MAP7D3: variants seen among roughly 807,000 people sequenced by gnomAD.
The protein encoded by MAP7D3 is MAP7 domain-containing protein 3.
MAP7D3 carries 45 observed loss-of-function variants against 62.2 expected under a neutral mutation model. The observed-to-expected ratio is 0.72, with a 90% confidence interval of 0.57 to 0.93. The LOEUF (loss-of-function observed/expected upper bound fraction) is 0.93, where lower values mean the gene tolerates loss of function less well. Among genes scored for constraint, MAP7D3 ranks in the 40% least tolerant of loss-of-function variants. MAP7D3 has a pLI of 0.00. For missense variants in MAP7D3, 711 were observed against 683.1 expected, an observed-to-expected ratio of 1.04 and a Z score of -0.45; for synonymous variants, 288 against 248.8, an observed-to-expected ratio of 1.16 and a Z score of -1.48.
At chrX:136,216,542 G>A (rs935260071), downstream of MAP7D3, among the ~76,000 whole-genome samples, 3 of 109,545 alleles carry the variant, frequency 2.7e-5, no homozygotes, top group African/African-American at 1.0e-4. Flanking sequence ...TGAGGCTGCA[G>A]TGAGCTATGA....
At chrX:136,222,307 G>C (rs1167882721) in intron 15 of MAP7D3, 86 bp downstream of exon 15, 2 of 693,379 alleles carry the variant, frequency 2.9e-6, no homozygotes, top group East Asian at 3.2e-5. Flanking sequence ...GAAAGGTTAA[G>C]TGACCTGCCC....
intron 9 of MAP7D3, 70 bp downstream of exon 9, chrX:136,230,768 TC>T: frequency 9.3e-7 from 1 of 1,071,174 alleles, no homozygotes; most frequent in Non-Finnish European, 1.3e-6. Flanking sequence ...ATTATTTCAC[TC>T]ATCAAACATT....
At position 136,223,264 on chromosome X, in the gene MAP7D3, A is replaced by G. The variant is rs1050264227; in HGVS notation, c.2194-778T>C. Among the ~76,000 whole-genome samples the G allele has an allele frequency of 8.1e-5, 9 of 111,469 alleles. No individual in the cohort carries two copies. The East Asian group carries it at 2.5e-3, about 32-fold the overall frequency. Reference sequence around the variant, plus strand: ...CTCATGTCATTTAATGCAAATGACCACAACTGGGTAATTACAAACAGACAA... The same window carrying G: ...CTCATGTCATTTAATGCAAATGACCGCAACTGGGTAATTACAAACAGACAA... On this transcript the variant is annotated intron_variant, in intron 14 of 18. Coordinates refer to ENST00000316077, the MANE Select transcript of MAP7D3 (RefSeq NM_024597.4).
downstream of MAP7D3, among the ~76,000 whole-genome samples, chrX:136,215,961 G>C (rs1286671773): frequency 9.0e-6 from 1 of 111,430 alleles, no homozygotes; most frequent in Non-Finnish European, 1.9e-5. Flanking sequence ...TCAGGGTGAT[G>C]AAAATGTTCC....
chrX:136,226,101 G>A (rs1344459251), intron 12 of MAP7D3, 88 bp from the exon 13 acceptor site: 3 of 589,826 alleles, frequency 5.1e-6, no homozygotes, highest in Non-Finnish European at 8.0e-6. Flanking sequence ...AATGGTAAAT[G>A]TTATCTAGTA....
upstream of MAP7D3, among the ~76,000 whole-genome samples, chrX:136,255,123 G>A (rs185824817): frequency 2.7e-5 from 3 of 112,374 alleles, no homozygotes; most frequent in Non-Finnish European, 5.6e-5. Flanking sequence ...GGCGGAGGCA[G>A]GAGGATCACT....
At chrX:136,240,202 C>CT (rs1164851593) in intron 6 of MAP7D3, among the ~76,000 whole-genome samples, 180 bp downstream of exon 6, 2 of 75,921 alleles carry the variant, frequency 2.6e-5, no homozygotes, top group East Asian at 1.0e-3. Context: ...GAGTGAGACT[C>CT]TGTCTCAAAA....
In MAP7D3 at chrX:136,220,856, G is replaced by A. The variant is rs781417025; in HGVS notation, c.2395C>T (p.Arg799Cys). The A allele has an allele frequency of 1.2e-5, 15 of 1,202,188 alleles. No individual in the cohort carries two copies. The African/African-American group carries it at 1.4e-4, about 11-fold the overall frequency. The change falls in exon 16 of 19, where the codon CGT becomes TGT. Residue 799 changes from arginine (R) to cysteine (C), a missense_variant. By Grantham distance (180) the Arg-to-Cys change is radical. Transcript: ENST00000316077. ...VFLEDGTSQV[R>C]KEPKTYFNGD... The stretch of plus-strand genomic sequence containing the variant: ...TTAAAATATGTTTTTGGCTCTTTAC[G>A]GACCTGGCTGGTACCATCTTCTAGA...
Position 136,230,193 on chromosome X carries a change from A to G in MAP7D3, c.1750+192T>C, listed in dbSNP as rs760081762. On this transcript the variant is annotated intron_variant, in intron 10 of 18. Coordinates refer to ENST00000316077, the MANE Select transcript of MAP7D3 (RefSeq NM_024597.4). ...TTTCAAAACAAAGGGGTGAGAAGAA[A>G]GCTTTGGCAAGGACAAACAAACAGA... Among the ~76,000 whole-genome samples the G allele has an allele frequency of 2.8e-5, 3 of 108,974 alleles. No individual in the cohort carries two copies. The East Asian group carries it at 8.6e-4, about 31-fold the overall frequency. 94.6% of individuals were successfully genotyped at this position (108,974 alleles called of 115,157 possible).
downstream of MAP7D3, chrX:136,213,354 G>A (rs1272812525): frequency 9.1e-6 from 1 of 110,434 alleles, no homozygotes; most frequent in African/African-American, 3.3e-5. Context: ...ATAATTAATG[G>A]GATCAGAATA....
chrX:136,250,792 T>C (rs1031543425), intron 1 of MAP7D3, among the ~76,000 whole-genome samples: 3 of 111,819 alleles, frequency 2.7e-5, no homozygotes, highest in African/African-American at 9.7e-5. Flanking sequence ...ACTCAAACTT[T>C]CCGTGCCTGG....
chrX:136,234,458 T>C (rs2074308207), intron 7 of MAP7D3, among the ~76,000 whole-genome samples: 1 of 112,117 alleles, frequency 8.9e-6, no homozygotes, highest in African/African-American at 3.2e-5. Context: ...AGGTTTTCTA[T>C]ATTTTTAAAA....
intron 5 of MAP7D3, 24 bp from the exon 6 acceptor site, chrX:136,240,510 T>C (rs1334557433): frequency 1.1e-5 from 10 of 951,997 alleles, no homozygotes; most frequent in Non-Finnish European, 1.5e-5. Flanking sequence ...TAATACTTAC[T>C]GTAATCATAT....
chrX:136,228,735 C>A lies in MAP7D3; in HGVS notation c.1774G>T (p.Gly592Cys), dbSNP rs1321043572. The A allele has an allele frequency of 4.2e-6, 5 of 1,197,067 alleles. No homozygotes were observed. In the South Asian group the frequency reaches 9.2e-5, roughly 22 times the overall value. ...YEESGNKSTAGIMNAEAATKI... is the reference protein window; with the variant it reads ...YEESGNKSTACIMNAEAATKI... ...GTTGCCGCCTCGGCATTCATAATAC[C>A]TGCAGTACTCTTATTACCAGACTCT... Residue 592 changes from glycine to cysteine, a missense_variant, in exon 11 of 19, where the codon GGT becomes TGT. Physicochemically the swap from Gly to Cys is radical, Grantham distance 159. Transcript: ENST00000316077.
chrX:136,246,489 GAT>G, intron 1 of MAP7D3, 148 bp from the exon 2 acceptor site: 1 of 447,342 alleles, frequency 2.2e-6, no homozygotes, highest in Non-Finnish European at 3.9e-6. Flanking sequence ...CAACAACAAA[GAT>G]ATATTGAACA....
At chrX:136,223,753 A>G (rs776906542) in intron 14 of MAP7D3, among the ~76,000 whole-genome samples, 29 of 111,162 alleles carry the variant, frequency 2.6e-4, no homozygotes, top group Non-Finnish European at 4.9e-4. Context: ...TTAAAATCAG[A>G]ATGCAGGGTG....
chrX:136,221,677 C>T (rs2074131810), intron 15 of MAP7D3: 1 of 112,693 alleles, frequency 8.9e-6, no homozygotes, highest in Admixed American at 9.4e-5. Flanking sequence ...TGCCCTAAGG[C>T]AGACTGAGGG....
chrX:136,250,904 G>A (rs1359723624), intron 1 of MAP7D3, among the ~76,000 whole-genome samples: 3 of 111,504 alleles, frequency 2.7e-5, no homozygotes, highest in Non-Finnish European at 5.7e-5. Flanking sequence ...TGCGCGGGCG[G>A]CCACCGCCCC....
chrX:136,227,224 G>T, intron 12 of MAP7D3, 60 bp downstream of exon 12: 1 of 1,083,887 alleles, frequency 9.2e-7, no homozygotes, highest in Non-Finnish European at 1.3e-6. Flanking sequence ...TTTGCTCTGG[G>T]TTCCATCTGA....
Sources: gnomAD v4.1 joint callset for allele counts (sites outside exome capture counted in the v4.1 genomes callset) on GRCh38, gnomAD v4.1.1 for gene constraint, MANE v1.5 for transcripts, NCBI Gene and HGNC (gene_info 2026-07-23, HGNC 2026-07-21) for gene names.